SUN5: variants seen among roughly 807,000 people sequenced by gnomAD.
SUN5 encodes Sad1 and UNC84 domain containing 5.
Under a neutral mutation model 53.7 loss-of-function variants are expected in SUN5, and 44 were observed. That is an observed-to-expected ratio of 0.82 (90% CI 0.64 to 1.05). The LOEUF (loss-of-function observed/expected upper bound fraction) is 1.05, where lower values mean the gene tolerates loss of function less well. Among genes scored for constraint, SUN5 ranks in the 50% least tolerant of loss-of-function variants. The pLI, the probability that SUN5 is intolerant of heterozygous loss-of-function variation, is 0.00. For missense variants in SUN5, 433 were observed against 483.8 expected (o/e 0.90, Z 0.98); for synonymous variants, 166 against 179.8 (o/e 0.92, Z 0.62).
chr20:32,985,843 G>A lies in SUN5; in HGVS notation c.790C>T (p.Gln264Ter), dbSNP rs772056472. 1 of 1,614,158 alleles carries A rather than the reference G, an allele frequency of 6.2e-7. No individual in the cohort carries two copies. The highest frequency in any genetic ancestry group is 8.5e-7 in the Non-Finnish European group (1 of 1,179,996). ...FEGDRGQVTI[Q>*]LAQKVYLSNL... Reference sequence around the variant, plus strand: ...GACAGGTAAACCTTCTGAGCCAATTGGATGGTCACCTGGCCGCGGTCACCC... The same window carrying A: ...GACAGGTAAACCTTCTGAGCCAATTAGATGGTCACCTGGCCGCGGTCACCC... The change falls in exon 11 of 13, where the codon CAA becomes TAA. Residue 264 changes from glutamine (Q) to a stop codon, truncating the protein, a stop_gained. Transcript: ENST00000356173. LOFTEE classifies it high-confidence loss of function.
At chr20:32,998,703 T>C (rs188767793) in intron 5 of SUN5, among the ~76,000 whole-genome samples, 291 of 152,086 alleles carry the variant, frequency 1.9e-3, no homozygotes, top group African/African-American at 6.7e-3. Context: ...TACTGGAGGT[T>C]CTAGCCAGGC....
chr20:32,997,791 C>A, intron 5 of SUN5, 104 bp from the exon 6 acceptor site: 1 of 1,251,278 alleles, frequency 8.0e-7, no homozygotes, highest in Admixed American at 1.9e-5. Flanking sequence ...ATGCCACTTG[C>A]CAGCATTGTG....
At chr20:32,988,251 T>C (rs1191623072) in intron 9 of SUN5, among the ~76,000 whole-genome samples, 1 of 152,170 alleles carries the variant, frequency 6.6e-6, no homozygotes, top group African/African-American at 2.4e-5. Flanking sequence ...AAATTCCAGC[T>C]CTGAGAGGCT....
In SUN5 at chr20:32,985,876, C is replaced by G; in HGVS notation, c.757G>C (p.Ala253Pro). The G allele has an allele frequency of 6.2e-7, 1 of 1,613,966 alleles. No homozygotes were observed. Among genetic ancestry groups the G allele is most frequent in the Non-Finnish European group, 8.5e-7 (1 of 1,179,910 alleles). The change falls in exon 11 of 13, where the codon GCC becomes CCC. Residue 253 changes from alanine to proline, a missense_variant. Ala to Pro is a conservative substitution (Grantham distance 27, BLOSUM62 -1). Coordinates refer to ENST00000356173, the MANE Select transcript of SUN5 (RefSeq NM_080675.4). Reference protein sequence around the residue: ...EPNVTPGNCWAFEGDRGQVTI... With the variant: ...EPNVTPGNCWPFEGDRGQVTI... Reference sequence around the variant, plus strand: ...ACCTGGCCGCGGTCACCCTCAAAGGCCCAGCAATTGCCAGGTGTCACGTTG... The same window carrying G: ...ACCTGGCCGCGGTCACCCTCAAAGGGCCAGCAATTGCCAGGTGTCACGTTG...
intron 4 of SUN5, 69 bp from the exon 5 acceptor site, chr20:33,000,204 G>A (rs970863658): frequency 1.0e-4 from 152 of 1,511,700 alleles, no homozygotes; most frequent in Non-Finnish European, 1.3e-4. Flanking sequence ...CCTCCTCCTC[G>A]TCACTCTCTT....
At chr20:32,993,086 T>G (rs1600494646) in intron 8 of SUN5, among the ~76,000 whole-genome samples, 1 of 131,112 alleles carries the variant, frequency 7.6e-6, no homozygotes, top group Admixed American at 7.9e-5. Flanking sequence ...CCCAATGATA[T>G]GAAAAAAATT....
chr20:33,002,797 G>A (rs1391351270), intron 2 of SUN5, 64 bp downstream of exon 2: 2 of 1,609,338 alleles, frequency 1.2e-6, no homozygotes, highest in Non-Finnish European at 1.7e-6. Context: ...TTGCCCGTTT[G>A]ACATCCCTGA....
At chr20:32,985,603 GC>G in intron 11 of SUN5, 132 bp downstream of exon 11, 1 of 1,181,616 alleles carries the variant, frequency 8.5e-7, no homozygotes, top group Non-Finnish European at 1.2e-6. Context: ...GCCACTTCCA[GC>G]CTTAACCAAG....
chr20:33,001,423 G>T (rs1990006428), intron 3 of SUN5, 145 bp from the exon 4 acceptor site: 1 of 875,626 alleles, frequency 1.1e-6, no homozygotes, highest in Non-Finnish European at 1.8e-6. Context: ...ACAGAACCAG[G>T]CTCTGCTTAT....
rs371476861 is a variant in SUN5 at position 32,986,405 on chromosome 20, CG to C, written c.730-503del. On this transcript the variant is annotated intron_variant, in intron 10 of 12. Coordinates refer to ENST00000356173, the MANE Select transcript of SUN5 (RefSeq NM_080675.4). ...GCACCACGATCTCCTGCCCCACAGA[CG>C]GGGAAACAGGCCCAGGGAGAGAAAG... Among the ~76,000 whole-genome samples the C allele has an allele frequency of 3.3e-3, 505 of 152,274 alleles. 4 individuals carry two copies. The highest frequency in any genetic ancestry group is 0.012 in the African/African-American group (486 of 41,550).
chr20:32,993,086 T>A (rs1600494646), intron 8 of SUN5, among the ~76,000 whole-genome samples: 1 of 131,112 alleles, frequency 7.6e-6, no homozygotes, highest in South Asian at 2.9e-4. Flanking sequence ...CCCAATGATA[T>A]GAAAAAAATT....
intron 10 of SUN5, 130 bp downstream of exon 10, chr20:32,987,530 C>T: frequency 1.6e-6 from 1 of 621,268 alleles, no homozygotes; most frequent in South Asian, 1.9e-5. Context: ...GTCTCCTGCT[C>T]CTACCTCTAA....
Position 32,985,749 on chromosome 20 carries a change from TC to T in SUN5, c.883del (p.Asp295ThrfsTer46), listed in dbSNP as rs1989519571. On this transcript the variant is annotated frameshift_variant, in exon 11 of 13. Coordinates refer to ENST00000356173, the MANE Select transcript of SUN5 (RefSeq NM_080675.4). LOFTEE classifies it high-confidence loss of function. ...LSGSLDTAPK[D>X]FVIYGMEGSP... is the part of the protein sequence containing the mutation. ...GGGAGTGCTCACATAGATGACGAAG[TC>T]CTTGGGGGCGGTGTCCAGGCTGCCT... The T allele has an allele frequency of 1.9e-6, 3 of 1,613,956 alleles. No homozygotes were observed. The highest frequency in any genetic ancestry group is 2.5e-6 in the Non-Finnish European group (3 of 1,179,922).
intron 4 of SUN5, 135 bp from the exon 5 acceptor site, chr20:33,000,270 C>A: frequency 9.2e-7 from 1 of 1,089,936 alleles, no homozygotes; most frequent in Non-Finnish European, 1.3e-6. Context: ...TAAACGTGTC[C>A]TTCAGGATTC....
intron 9 of SUN5, 53 bp downstream of exon 9, chr20:32,989,567 C>T (rs1989651632): frequency 6.5e-7 from 1 of 1,529,392 alleles, no homozygotes; most frequent in East Asian, 2.2e-5. Flanking sequence ...ACCCTGTGTA[C>T]AGCTTCCCAG....
chr20:33,001,519 C>CTTTCTTTCTTTCTTTCTTTCTTCT (rs68051515), intron 3 of SUN5, among the ~76,000 whole-genome samples: 2 of 121,324 alleles, frequency 1.6e-5, no homozygotes, highest in Non-Finnish European at 3.4e-5. Context: ...TTCTTTCTTT[C>CTTTCTTTCTTTCTTTCTTTCTTCT]TTCTTTCTTT....
chr20:32,989,039 C>T (rs1042758185), intron 9 of SUN5, among the ~76,000 whole-genome samples: 1 of 152,146 alleles, frequency 6.6e-6, no homozygotes, highest in Non-Finnish European at 1.5e-5. Flanking sequence ...CATTCTCCTA[C>T]CTCAGCCTCC....
rs1236922906 is a variant in SUN5, at chr20:33,001,062, T to C, written c.278+150A>G. 31 of 807,382 alleles carry C rather than the reference T, an allele frequency of 3.8e-5. No individual in the cohort carries two copies. In the East Asian group the frequency reaches 8.2e-4, roughly 21 times the overall value. The allele number at this position is 807,382 out of a possible 1,614,324, so 50.0% of individuals were successfully genotyped here. ...AGCAATGGGGGGCCACAGTGGGTTC[T>C]GGGGTGGGAGTGTTTGATAAAAGCC... On this transcript the variant is annotated intron_variant, in intron 4 of 12. Coordinates refer to ENST00000356173, the MANE Select transcript of SUN5 (RefSeq NM_080675.4).
chr20:32,990,665 C>G (rs969505531), intron 8 of SUN5, among the ~76,000 whole-genome samples: 1 of 152,224 alleles, frequency 6.6e-6, no homozygotes, highest in Non-Finnish European at 1.5e-5. Context: ...GTGCTTTGAT[C>G]AACAGCCGTA....
Sources: allele counts gnomAD v4.1 joint callset (sites outside exome capture counted in the v4.1 genomes callset), GRCh38; gene constraint gnomAD v4.1.1; transcripts MANE v1.5; gene names NCBI Gene and HGNC (gene_info 2026-07-23, HGNC 2026-07-21).